Variants in CSNK1A1 observed in about 807,000 individuals in gnomAD.
CSNK1A1 encodes casein kinase I isoform alpha.
A neutral mutation model predicts 46.1 loss-of-function variants in CSNK1A1; 7 were observed. The ratio of observed to expected loss-of-function variants is 0.15; its 90% CI spans 0.09 to 0.29. CSNK1A1 has a LOEUF of 0.29. Among genes scored for constraint, CSNK1A1 ranks in the 10% least tolerant of loss-of-function variants. The probability of loss-of-function intolerance (pLI) is 1.00; values close to 1 mark genes in which losing one functional copy is unlikely to be tolerated. For missense variants in CSNK1A1, 96 were observed against 417.1 expected (o/e 0.23, Z 6.71); for synonymous variants, 137 against 141.5 (o/e 0.97, Z 0.23).
chr5:149,531,866 G>A (rs1015876758), intron 2 of CSNK1A1, among the ~76,000 whole-genome samples: 1 of 150,964 alleles, frequency 6.6e-6, no homozygotes, highest in African/African-American at 2.4e-5. Context: ...TTGGGATATA[G>A]TAATATACAT....
chr5:149,550,792 G>T lies in CSNK1A1; in HGVS notation c.123+50C>A, dbSNP rs781515200. ...TTGGGGGTGCACGGTGGTGGTGGGG[G>T]GAATGAGTAAAAGCGCAGCGTTATC... On this transcript the variant is annotated intron_variant, in intron 1 of 9. Coordinates refer to ENST00000377843, the MANE Select transcript of CSNK1A1 (RefSeq NM_001892.6). The surrounding 1 kb of genome is among the most constrained non-coding windows in gnomAD (Gnocchi z 4.3). 3 of 1,612,010 alleles carry T rather than the reference G, an allele frequency of 1.9e-6. No individual in the cohort carries two copies. In the African/African-American group the frequency reaches 4.0e-5, roughly 22 times the overall value.
chr5:149,541,704 G>A (rs1422713466), intron 2 of CSNK1A1, among the ~76,000 whole-genome samples: 4 of 151,822 alleles, frequency 2.6e-5, no homozygotes, highest in South Asian at 2.1e-4. Flanking sequence ...AGCCAGGTGC[G>A]GTGGCTCACG....
At chr5:149,533,353 CT>C (rs958595346) in intron 2 of CSNK1A1, among the ~76,000 whole-genome samples, 8 of 150,822 alleles carry the variant, frequency 5.3e-5, no homozygotes, top group African/African-American at 9.7e-5. Context: ...GGGATCTGAT[CT>C]TTTTTTTTAA....
At chr5:149,504,152 T>C (rs759029144) in intron 9 of CSNK1A1, 35 of 985,288 alleles carry the variant, frequency 3.6e-5, no homozygotes, top group Admixed American at 6.2e-5. Flanking sequence ...TGTGTGAACA[T>C]TAGGGTTTGC....
At position 149,495,758 on chromosome 5, in the gene CSNK1A1, A is replaced by AG. The variant is rs1183475181; in HGVS notation, c.*1094_*1095insC. 9.9e-5 allele frequency: 15 copies of AG among 152,046 alleles called. No homozygotes were observed. Among genetic ancestry groups the AG allele is most frequent in the Non-Finnish European group, 1.6e-4 (11 of 67,906 alleles). The allele number at this position is 152,046 out of a possible 1,614,324, so 9.4% of individuals were successfully genotyped here. Reference sequence around the variant, plus strand: ...CCTGCAAGTCATAAAAAAAAAAAAAAAAAAAGAAAAAAATGAAAGAATGCC... The same window carrying AG: ...CCTGCAAGTCATAAAAAAAAAAAAAAGAAAAAGAAAAAAATGAAAGAATGCC... On this transcript the variant is annotated 3_prime_UTR_variant, in exon 10 of 10. Coordinates refer to ENST00000377843, the MANE Select transcript of CSNK1A1 (RefSeq NM_001892.6).
chr5:149,543,572 C>G (rs1280007712), intron 2 of CSNK1A1, among the ~76,000 whole-genome samples: 2 of 151,916 alleles, frequency 1.3e-5, no homozygotes, highest in Non-Finnish European at 2.9e-5. Flanking sequence ...TCTTTATTCT[C>G]TGATAACAGC....
chr5:149,550,985 G>A lies in CSNK1A1; in HGVS notation c.-21C>T, dbSNP rs1762640923. 1.9e-6 allele frequency: 3 copies of A among 1,613,550 alleles called. No homozygotes were observed. The highest frequency in any genetic ancestry group is 2.5e-6 in the Non-Finnish European group (3 of 1,179,862). On this transcript the variant is annotated 5_prime_UTR_variant, in exon 1 of 10. Transcript: ENST00000377843. The surrounding 1 kb of genome is among the most constrained non-coding windows in gnomAD (Gnocchi z 4.3). Reference sequence around the variant, plus strand: ...GCCATCCTGAGAGACGAAGATGGAGGCTGGGGCCAAGCCCCGACACCTCTG... The same window carrying A: ...GCCATCCTGAGAGACGAAGATGGAGACTGGGGCCAAGCCCCGACACCTCTG...
chr5:149,534,902 C>T (rs796486970), intron 2 of CSNK1A1, among the ~76,000 whole-genome samples: 2 of 137,318 alleles, frequency 1.5e-5, no homozygotes, highest in African/African-American at 5.7e-5. Context: ...GAGACCTTGT[C>T]TCCCAAAAAA....
At chr5:149,515,102 T>C (rs957072445) in intron 4 of CSNK1A1, among the ~76,000 whole-genome samples, 2 of 152,268 alleles carry the variant, frequency 1.3e-5, no homozygotes, top group African/African-American at 2.4e-5. Context: ...AAAGAAAACA[T>C]GGGGAAAATA....
At chr5:149,511,751 T>TA in intron 6 of CSNK1A1, 43 bp downstream of exon 6, 7 of 1,348,070 alleles carry the variant, frequency 5.2e-6, no homozygotes, top group Non-Finnish European at 7.3e-6. Context: ...ATTTTTATTC[T>TA]AAAAAAGAGA....
At chr5:149,533,454 C>T (rs2113151096) in intron 2 of CSNK1A1, among the ~76,000 whole-genome samples, 1 of 152,056 alleles carries the variant, frequency 6.6e-6, no homozygotes, top group East Asian at 1.9e-4. Context: ...TGGATTGGCA[C>T]CAGGCTGAAG....
intron 8 of CSNK1A1, among the ~76,000 whole-genome samples, chr5:149,506,244 G>C (rs1761019992): frequency 6.6e-6 from 1 of 151,428 alleles, no homozygotes. Context: ...TGAATTCTTT[G>C]TTTTTCTCTT....
chr5:149,513,538 T>C (rs7712431), intron 4 of CSNK1A1, among the ~76,000 whole-genome samples: 20,412 of 152,218 alleles, frequency 0.13, 1,497 homozygotes, highest in Non-Finnish European at 0.17. Context: ...AAGTGTGCTA[T>C]CTGTCATAAT....
chr5:149,549,836 C>T (rs1762599113), intron 2 of CSNK1A1, among the ~76,000 whole-genome samples: 1 of 152,168 alleles, frequency 6.6e-6, no homozygotes, highest in African/African-American at 2.4e-5. Context: ...AAATGAAAGC[C>T]TCGGGAAGAG....
In CSNK1A1 at chr5:149,499,280, G is replaced by T. The variant is rs147578540; in HGVS notation, c.1007-2420C>A. ...TGTAACATCAGTTAAAATGAGGAAT[G>T]AATCCCTTTATTCCTTAAAAAAAAA... On this transcript the variant is annotated intron_variant, in intron 9 of 9. Coordinates refer to ENST00000377843, the MANE Select transcript of CSNK1A1 (RefSeq NM_001892.6). 9.3e-5 allele frequency: 66 copies of T among 710,222 alleles called. No homozygotes were observed. The African/African-American group carries it at 1.3e-3, about 13-fold the overall frequency. The allele number at this position is 710,222 out of a possible 1,614,324, so 44.0% of individuals were successfully genotyped here.
intron 2 of CSNK1A1, among the ~76,000 whole-genome samples, chr5:149,538,882 A>G (rs1434604558): frequency 1.3e-5 from 2 of 151,858 alleles, no homozygotes; most frequent in South Asian, 2.1e-4. Context: ...AGATTGTGCC[A>G]TTGCACTCCA....
chr5:149,546,261 AG>A (rs1279744600), intron 2 of CSNK1A1, among the ~76,000 whole-genome samples: 1 of 152,036 alleles, frequency 6.6e-6, no homozygotes, highest in East Asian at 1.9e-4. Context: ...CAAATTACAC[AG>A]GAAGGACCTG....
At chr5:149,505,378 T>G (rs1180025000) in intron 9 of CSNK1A1, 69 bp downstream of exon 9, 2 of 1,562,394 alleles carry the variant, frequency 1.3e-6, no homozygotes, top group Non-Finnish European at 1.7e-6. Flanking sequence ...CTAACACTGT[T>G]AGAAATGAAT....
intron 9 of CSNK1A1, chr5:149,502,480 A>G (rs1760890949): frequency 9.0e-6 from 2 of 223,036 alleles, no homozygotes; most frequent in Admixed American, 2.3e-4. Context: ...CACAGCTGGG[A>G]TCACAGGCAC....
Sources: allele counts gnomAD v4.1 joint callset (sites outside exome capture counted in the v4.1 genomes callset), GRCh38; gene constraint gnomAD v4.1.1; non-coding constraint Gnocchi (gnomAD v3.1); transcripts MANE v1.5; gene names NCBI Gene and HGNC (gene_info 2026-07-23, HGNC 2026-07-21).